The following AFF3 variants were observed in gnomAD, a reference collection of about 807,000 sequenced individuals.
AFF3 encodes the protein AF4/FMR2 family member 3.
In AFF3, 32 loss-of-function variants were observed where a neutral mutation model predicts 129.7. That is an observed-to-expected ratio of 0.25 (90% CI 0.19 to 0.33). The LOEUF (loss-of-function observed/expected upper bound fraction) is 0.33. Ranked by LOEUF, AFF3 falls within the 10% of genes least tolerant of loss-of-function variation. The pLI, the probability that AFF3 is intolerant of heterozygous loss-of-function variation, is 1.00. For synonymous variants in AFF3, 644 were observed against 635.4 expected (o/e 1.01, Z -0.20); for missense variants, 1,373 against 1,592.0 (o/e 0.86, Z 2.34).
chr2:99,736,512 T>C (rs2105075558), intron 10 of AFF3, among the ~76,000 whole-genome samples: 1 of 152,318 alleles, frequency 6.6e-6, no homozygotes, highest in Non-Finnish European at 1.5e-5. Flanking sequence ...AATGTGTCAT[T>C]GTAAATAGCA....
In AFF3 at chr2:99,568,902, C is replaced by A; in HGVS notation, c.2932G>T (p.Asp978Tyr). 3.7e-6 allele frequency: 6 copies of A among 1,614,044 alleles called. No homozygotes were observed. Among genetic ancestry groups the A allele is most frequent in the Non-Finnish European group, 5.1e-6 (6 of 1,179,952 alleles). Residue 978 changes from aspartate to tyrosine, a missense_variant, in exon 19 of 25, where the codon GAT (aspartate) becomes TAT (tyrosine). Around this residue, in one of 9 missense-constraint regions of AFF3, gnomAD observed 65 missense variants for 102.1 expected, o/e 0.64. Transcript: ENST00000672756. ...CGTTTAGCTTCTTGCATAAAATAAT[C>A]GGCACTGCGAGGCCTACAAGGAGAG... ...LVFDDMPRSA[D>Y]YFMQEAKRMK...
intron 7 of AFF3, among the ~76,000 whole-genome samples, chr2:99,891,573 G>A (rs1337524210): frequency 6.6e-6 from 1 of 152,206 alleles, no homozygotes; most frequent in Non-Finnish European, 1.5e-5. Context: ...GCAGGTGCGG[G>A]CAGGCGGGCG....
chr2:99,998,556 CA>C (rs1302857368), intron 7 of AFF3, among the ~76,000 whole-genome samples: 1 of 152,162 alleles, frequency 6.6e-6, no homozygotes, highest in East Asian at 1.9e-4. Context: ...TGAATGCATA[CA>C]TTTTTCTATT....
intron 12 of AFF3, among the ~76,000 whole-genome samples, chr2:99,658,304 G>A (rs972629332): frequency 6.6e-6 from 1 of 152,126 alleles, no homozygotes; most frequent in Non-Finnish European, 1.5e-5. Context: ...AGGAGGGCTG[G>A]GGGACACATG....
At chr2:99,714,949 C>T (rs1464043542) in intron 11 of AFF3, among the ~76,000 whole-genome samples, 1 of 152,208 alleles carries the variant, frequency 6.6e-6, no homozygotes, top group African/African-American at 2.4e-5. Flanking sequence ...CATTATGTAC[C>T]TGAAAGAGCC....
intron 13 of AFF3, among the ~76,000 whole-genome samples, chr2:99,602,574 A>C (rs1360593558): frequency 2.6e-5 from 4 of 152,214 alleles, no homozygotes; most frequent in African/African-American, 7.2e-5. Flanking sequence ...AAAGTCCTTT[A>C]TTAACAAAAT....
rs191747975 is a variant in AFF3, at chr2:99,885,006, C to A, written c.874-47482G>T. Among the ~76,000 whole-genome samples, 548 of 152,296 alleles carry A rather than the reference C, an allele frequency of 3.6e-3. 5 individuals are homozygous for A. Among genetic ancestry groups the A allele is most frequent in the African/African-American group, 0.011 (470 of 41,568 alleles). On this transcript the variant is annotated intron_variant, in intron 7 of 24. Transcript: ENST00000672756. ...CCCACCGCTTCCAAACACCTCTATCCTCTACTGCCACGTGAATCTTAAAAT... is the reference window on the plus strand; with the variant it reads ...CCCACCGCTTCCAAACACCTCTATCATCTACTGCCACGTGAATCTTAAAAT...
chr2:99,851,375 G>C (rs1346822767), intron 7 of AFF3, among the ~76,000 whole-genome samples: 2 of 152,190 alleles, frequency 1.3e-5, no homozygotes, highest in African/African-American at 4.8e-5. Context: ...GGTTTCTCAA[G>C]TCTTCCCTGC....
At chr2:99,808,816 C>G (rs1686559317) in intron 8 of AFF3, among the ~76,000 whole-genome samples, 1 of 152,180 alleles carries the variant, frequency 6.6e-6, no homozygotes, top group Non-Finnish European at 1.5e-5. Flanking sequence ...AATGTACTTT[C>G]CCCCAACTAG....
At chr2:99,668,405 C>CAG (rs1686867673) in intron 12 of AFF3, among the ~76,000 whole-genome samples, 1 of 151,956 alleles carries the variant, frequency 6.6e-6, no homozygotes, top group South Asian at 2.1e-4. Flanking sequence ...CTCCTGACCT[C>CAG]ATGATCTGCT....
chr2:99,788,645 T>C (rs1270929354), intron 8 of AFF3, among the ~76,000 whole-genome samples: 2 of 152,204 alleles, frequency 1.3e-5, no homozygotes, highest in Non-Finnish European at 2.9e-5. Context: ...AAGGTTAATT[T>C]ATTACTGAAG....
At chr2:99,565,389 G>T in intron 20 of AFF3, 98 bp downstream of exon 20, 1 of 1,497,386 alleles carries the variant, frequency 6.7e-7, no homozygotes, top group South Asian at 1.3e-5. Flanking sequence ...GGTTCCTGGT[G>T]GGGGATGGTG....
chr2:99,943,731 T>C (rs1032450841), intron 7 of AFF3, among the ~76,000 whole-genome samples: 1 of 152,216 alleles, frequency 6.6e-6, no homozygotes, highest in Non-Finnish European at 1.5e-5. Context: ...GGAATCGTAA[T>C]TTCTCACTGG....
chr2:100,068,552 C>T (rs925008171), intron 4 of AFF3, among the ~76,000 whole-genome samples: 2 of 152,096 alleles, frequency 1.3e-5, no homozygotes, highest in Admixed American at 6.6e-5. Context: ...GGCTGTGATG[C>T]GTAAAAAAGG....
intron 4 of AFF3, among the ~76,000 whole-genome samples, chr2:100,044,784 A>G (rs1685700373): frequency 6.6e-6 from 1 of 152,064 alleles, no homozygotes; most frequent in Non-Finnish European, 1.5e-5. Context: ...GTGCCAAAGA[A>G]AACTGTACAA....
intron 7 of AFF3, among the ~76,000 whole-genome samples, chr2:99,886,976 C>T (rs1041561485): frequency 6.6e-6 from 1 of 152,172 alleles, no homozygotes; most frequent in Non-Finnish European, 1.5e-5. Context: ...TCCAGTTACT[C>T]CTAATTTTTA....
intron 7 of AFF3, among the ~76,000 whole-genome samples, chr2:99,851,735 CAT>C (rs1690159486): frequency 6.6e-6 from 1 of 152,208 alleles, no homozygotes; most frequent in Non-Finnish European, 1.5e-5. Context: ...TTTCTAGACA[CAT>C]AATTGTAGCA....
chr2:99,992,794 C>T (rs1680476820), intron 7 of AFF3, among the ~76,000 whole-genome samples: 1 of 152,178 alleles, frequency 6.6e-6, no homozygotes, highest in African/African-American at 2.4e-5. Flanking sequence ...CCTTAAATAA[C>T]CACTGATATA....
intron 9 of AFF3, among the ~76,000 whole-genome samples, chr2:99,745,415 C>T (rs1681073450): frequency 6.6e-6 from 1 of 152,086 alleles, no homozygotes; most frequent in African/African-American, 2.4e-5. Flanking sequence ...GTTTAGTTTA[C>T]CTAATTTTTC....
Sources: gnomAD v4.1 joint callset for allele counts (sites outside exome capture counted in the v4.1 genomes callset) on GRCh38, gnomAD v4.1.1 for gene constraint, gnomAD v4.1.1 regional missense constraint, MANE v1.5 for transcripts, NCBI Gene and HGNC (gene_info 2026-07-23, HGNC 2026-07-21) for gene names.